Variants in TACC1 observed in about 807,000 individuals in gnomAD.
TACC1 encodes transforming acidic coiled-coil-containing protein 1.
In TACC1, 48 loss-of-function variants were observed where a neutral mutation model predicts 84.4. The ratio of observed to expected loss-of-function variants is 0.57; its 90% confidence interval spans 0.45 to 0.72. TACC1 has a LOEUF of 0.72. Ranked by LOEUF, TACC1 falls within the 30% of genes least tolerant of loss-of-function variation. The pLI is 0.00. For missense variants in TACC1, 920 were observed against 973.0 expected, an observed-to-expected ratio of 0.95 and a Z score of 0.72; for synonymous variants, 372 against 376.3, an observed-to-expected ratio of 0.99 and a Z score of 0.13.
chr8:38,768,142 G>A (rs1812642038), intron 3 of TACC1, among the ~76,000 whole-genome samples: 1 of 151,622 alleles, frequency 6.6e-6, no homozygotes, highest in Non-Finnish European at 1.5e-5. Flanking sequence ...AAGGGAGGGA[G>A]GAAGGGAAAG....
At chr8:38,823,590 C>G (rs550892807) in intron 3 of TACC1, among the ~76,000 whole-genome samples, 164 of 152,294 alleles carry the variant, frequency 1.1e-3, no homozygotes, top group African/African-American at 3.4e-3. Flanking sequence ...CACCCAGTAG[C>G]CTTTTTCCCC....
At chr8:38,812,477 C>A (rs1454082338) in intron 2 of TACC1, among the ~76,000 whole-genome samples, 1 of 152,148 alleles carries the variant, frequency 6.6e-6, no homozygotes. Context: ...ATAGAAAGAA[C>A]CTACGTTGAA....
chr8:38,798,140 T>A (rs1171125225), intron 2 of TACC1, among the ~76,000 whole-genome samples: 1 of 151,582 alleles, frequency 6.6e-6, no homozygotes, highest in East Asian at 1.9e-4. Context: ...TTTTTTTTTT[T>A]AGAGACAGGG....
chr8:38,757,076 C>T (rs1466298808), intron 3 of TACC1, among the ~76,000 whole-genome samples: 1 of 152,218 alleles, frequency 6.6e-6, no homozygotes, highest in African/African-American at 2.4e-5. Context: ...CTCCCCGCAG[C>T]CCCGCACGCC....
chr8:38,767,687 T>C (rs1812506196), intron 3 of TACC1, among the ~76,000 whole-genome samples: 1 of 151,482 alleles, frequency 6.6e-6, no homozygotes, highest in African/African-American at 2.4e-5. Flanking sequence ...GGAGCAAGAG[T>C]TTCTTCAATC....
intron 1 of TACC1, among the ~76,000 whole-genome samples, chr8:38,737,183 C>T (rs1320700057): frequency 6.6e-6 from 1 of 152,184 alleles, no homozygotes; most frequent in Non-Finnish European, 1.5e-5. Flanking sequence ...GAAGTCTTGG[C>T]ACTCAATCTA....
intron 2 of TACC1, among the ~76,000 whole-genome samples, chr8:38,743,732 G>A (rs531684473): frequency 6.6e-6 from 1 of 152,108 alleles, no homozygotes; most frequent in African/African-American, 2.4e-5. Context: ...TCCCATAAAA[G>A]AAATCTGGGC....
At chr8:38,736,476 C>T (rs1313932871) in intron 1 of TACC1, among the ~76,000 whole-genome samples, 1 of 151,976 alleles carries the variant, frequency 6.6e-6, no homozygotes, top group Admixed American at 6.6e-5. Context: ...ATTACCCGGG[C>T]ATGGTAGCAC....
At chr8:38,808,462 G>T (rs1170179086) in intron 2 of TACC1, among the ~76,000 whole-genome samples, 2 of 152,214 alleles carry the variant, frequency 1.3e-5, no homozygotes, top group African/African-American at 2.4e-5. Context: ...GTCCAGGCTG[G>T]AGTGCAGTGG....
At chr8:38,774,325 T>C (rs1814347188) in intron 3 of TACC1, among the ~76,000 whole-genome samples, 1 of 152,198 alleles carries the variant, frequency 6.6e-6, no homozygotes, top group Non-Finnish European at 1.5e-5. Flanking sequence ...CTCACTAATA[T>C]GCAAGTTCTA....
upstream of TACC1, chr8:38,785,729 T>C (rs2151968208): frequency 1.0e-6 from 1 of 985,376 alleles, no homozygotes; most frequent in Non-Finnish European, 1.2e-6. Flanking sequence ...AACCTGAAGT[T>C]TTACTGGGTA....
rs564934386 is a variant in TACC1, at chr8:38,851,320, C to G, written c.*3297C>G. 6.6e-6 allele frequency: 1 copy of G among 152,410 alleles called. No homozygotes were observed. The highest frequency in any genetic ancestry group is 6.5e-5 in the Admixed American group (1 of 15,302). 9.4% of individuals were successfully genotyped at this position (152,410 alleles called of 1,614,324 possible). On this transcript the variant is annotated 3_prime_UTR_variant, in exon 13 of 13. Coordinates refer to ENST00000317827, the MANE Select transcript of TACC1 (RefSeq NM_006283.3). ...ACTTTGTACAACTCTTACACAAATA[C>G]TTAGATATTTATTAGATAGCCCTGA...
chr8:38,728,686 A>G (rs1804306293), intron 1 of TACC1: 1 of 152,188 alleles, frequency 6.6e-6, no homozygotes, highest in Non-Finnish European at 1.5e-5. Flanking sequence ...GAAACGGGGG[A>G]CTGCACGTTC....
At chr8:38,811,947 A>G (rs1824263139) in intron 2 of TACC1, among the ~76,000 whole-genome samples, 1 of 152,034 alleles carries the variant, frequency 6.6e-6, no homozygotes, top group South Asian at 2.1e-4. Flanking sequence ...AATAATTAAT[A>G]CCCTGGGGAA....
chr8:38,818,312 G>C (rs1470799538), intron 2 of TACC1, among the ~76,000 whole-genome samples: 3 of 152,206 alleles, frequency 2.0e-5, no homozygotes, highest in African/African-American at 7.2e-5. Context: ...TAGGAAGTAG[G>C]ATTAGAGGGT....
chr8:38,757,283 G>A lies in TACC1; in HGVS notation c.26+11790G>A, dbSNP rs1341280157. On this transcript the variant is annotated intron_variant, in intron 3 of 14. Transcript: ENST00000518415. ...CCCCGCCCAGGGTCTGGGCACAGCCGCCCGCCGCCCAGCACAGGAGGGTGC... is the reference window on the plus strand; with the variant it reads ...CCCCGCCCAGGGTCTGGGCACAGCCACCCGCCGCCCAGCACAGGAGGGTGC... 3 of 1,225,250 alleles carry A rather than the reference G, an allele frequency of 2.4e-6. No individual in the cohort carries two copies. The African/African-American group carries it at 5.1e-5, about 21-fold the overall frequency. The allele number at this position is 1,225,250 out of a possible 1,614,324, so 75.9% of individuals were successfully genotyped here. A position where few individuals can be genotyped will look rare whatever the true frequency, so the allele number is the denominator to read the frequency against.
At chr8:38,760,186 C>A (rs1810943655) in intron 3 of TACC1, among the ~76,000 whole-genome samples, 1 of 152,216 alleles carries the variant, frequency 6.6e-6, no homozygotes, top group Non-Finnish European at 1.5e-5. Context: ...ATCTCTCTTA[C>A]AAGAGCTCTA....
Position 38,820,335 on chromosome 8 carries a change from T to C in TACC1, c.1091T>C (p.Leu364Ser). 1 of 1,614,132 alleles carries C rather than the reference T, an allele frequency of 6.2e-7. No individual in the cohort carries two copies. Among genetic ancestry groups the C allele is most frequent in the African/African-American group, 1.3e-5 (1 of 75,028 alleles). ...GATGGCATCAGTAAGTCAGCAGGTT[T>C]AGAACAGCCTACAGACCCAGTGGCA... ...QKDGISKSAG[L>S]EQPTDPVARD... Residue 364 changes from leucine to serine, a missense_variant, in exon 3 of 13, where the codon TTA (leucine) becomes TCA (serine). Leu to Ser is a moderately radical substitution (Grantham distance 145). Around this residue, in one of 2 missense-constraint regions of TACC1, gnomAD observed 762 missense variants for 747.3 expected, o/e 1.02. Coordinates refer to ENST00000317827, the MANE Select transcript of TACC1 (RefSeq NM_006283.3).
intron 1 of TACC1, among the ~76,000 whole-genome samples, chr8:38,740,155 G>A (rs767557572): frequency 1.3e-5 from 2 of 152,338 alleles, no homozygotes; most frequent in Non-Finnish European, 2.9e-5. Flanking sequence ...AGGATTCCAA[G>A]CAGGGGTTGG....
Sources: gnomAD v4.1 joint callset for allele counts (sites outside exome capture counted in the v4.1 genomes callset) on GRCh38, gnomAD v4.1.1 for gene constraint, gnomAD v4.1.1 regional missense constraint, MANE v1.5 for transcripts, NCBI Gene and HGNC (gene_info 2026-07-23, HGNC 2026-07-21) for gene names.